The following CSMD1 variants were observed in gnomAD, a reference collection of about 807,000 sequenced individuals.
CSMD1 encodes the protein CUB and Sushi multiple domains 1.
CSMD1 carries 213 observed loss-of-function variants against 417.5 expected under a neutral mutation model. The observed-to-expected ratio is 0.51, with a 90% CI of 0.46 to 0.57. The LOEUF (loss-of-function observed/expected upper bound fraction) is 0.57. CSMD1 is among the 20% of genes least tolerant of loss of function. CSMD1 has a pLI of 0.00. For missense variants in CSMD1, 6,923 were observed against 4,529.7 expected, an observed-to-expected ratio of 1.53 and a Z score of -15.17; for synonymous variants, 2,862 against 1,736.8, an observed-to-expected ratio of 1.65 and a Z score of -16.11.
chr8:3,079,459 C>G, intron 49 of CSMD1, among the ~76,000 whole-genome samples: 1 of 152,034 alleles, frequency 6.6e-6, no homozygotes, highest in East Asian at 1.9e-4. Flanking sequence ...TATCACAAAA[C>G]AGAGGAGAAG....
intron 26 of CSMD1, among the ~76,000 whole-genome samples, chr8:3,283,450 T>TTC (rs1237880343): frequency 6.6e-6 from 1 of 151,570 alleles, no homozygotes; most frequent in South Asian, 2.1e-4. Flanking sequence ...TTTTTTTTTT[T>TTC]ATGTAACTAA....
chr8:3,889,547 GTATA>G, intron 5 of CSMD1, among the ~76,000 whole-genome samples: 1 of 84,654 alleles, frequency 1.2e-5, no homozygotes, highest in East Asian at 4.0e-4. Context: ...ACACATATGT[GTATA>G]TGTGTGTCTG....
chr8:3,447,559 A>G (rs948589553), intron 12 of CSMD1, among the ~76,000 whole-genome samples: 1 of 152,224 alleles, frequency 6.6e-6, no homozygotes, highest in Non-Finnish European at 1.5e-5. Flanking sequence ...ACCACTGTTC[A>G]CAGAGGGCGA....
intron 8 of CSMD1, among the ~76,000 whole-genome samples, chr8:3,609,720 GT>G: frequency 9.0e-6 from 1 of 110,932 alleles, no homozygotes; most frequent in Non-Finnish European, 1.9e-5. Flanking sequence ...TTAGTCATTA[GT>G]TTTGATTATA....
chr8:4,616,091 T>G (rs1244897931), intron 2 of CSMD1, among the ~76,000 whole-genome samples: 1 of 152,326 alleles, frequency 6.6e-6, no homozygotes, highest in East Asian at 1.9e-4. Flanking sequence ...GCAACTTGCC[T>G]AAGCCCAAAC....
chr8:4,570,321 C>G (rs776737558), intron 2 of CSMD1, among the ~76,000 whole-genome samples: 1 of 152,090 alleles, frequency 6.6e-6, no homozygotes, highest in Non-Finnish European at 1.5e-5. Flanking sequence ...CCGTCAATAC[C>G]TAGTTTATTA....
At chr8:4,249,527 T>A (rs1304726833) in intron 3 of CSMD1, among the ~76,000 whole-genome samples, 2 of 152,200 alleles carry the variant, frequency 1.3e-5, no homozygotes, top group African/African-American at 4.8e-5. Flanking sequence ...TCTACTGACG[T>A]GCACTGTGAC....
At chr8:4,426,219 G>A (rs1797544762) in intron 2 of CSMD1, among the ~76,000 whole-genome samples, 1 of 151,846 alleles carries the variant, frequency 6.6e-6, no homozygotes, top group Non-Finnish European at 1.5e-5. Context: ...TTTATCTATA[G>A]TTACCGGACA....
At chr8:4,605,715 T>C (rs779270582) in intron 2 of CSMD1, among the ~76,000 whole-genome samples, 3 of 152,144 alleles carry the variant, frequency 2.0e-5, no homozygotes, top group Non-Finnish European at 4.4e-5. Flanking sequence ...AAAAGAATGG[T>C]TGTCTCATAT....
chr8:3,669,169 T>C (rs1242209391), intron 7 of CSMD1, among the ~76,000 whole-genome samples: 1 of 152,298 alleles, frequency 6.6e-6, no homozygotes, highest in Non-Finnish European at 1.5e-5. Flanking sequence ...CACGTACAAA[T>C]GAGCATAAAG....
intron 26 of CSMD1, among the ~76,000 whole-genome samples, chr8:3,253,413 T>G (rs561795519): frequency 1.3e-5 from 2 of 152,226 alleles, no homozygotes; most frequent in African/African-American, 4.8e-5. Context: ...ATAATTTCTG[T>G]TCTTTTACAT....
At chr8:3,637,880 T>C (rs1797125679) in intron 7 of CSMD1, among the ~76,000 whole-genome samples, 1 of 152,142 alleles carries the variant, frequency 6.6e-6, no homozygotes, top group Non-Finnish European at 1.5e-5. Flanking sequence ...GATCTGATGG[T>C]TTTCTACAGA....
intron 1 of CSMD1, among the ~76,000 whole-genome samples, chr8:4,724,421 A>C (rs897343543): frequency 2.0e-5 from 3 of 152,002 alleles, no homozygotes; most frequent in Non-Finnish European, 4.4e-5. Flanking sequence ...ATCAGACTTA[A>C]ATATACAAAT....
intron 52 of CSMD1, among the ~76,000 whole-genome samples, chr8:3,014,114 G>C (rs1808641126): frequency 6.6e-6 from 1 of 151,976 alleles, no homozygotes; most frequent in African/African-American, 2.4e-5. Context: ...CCTATCGTGA[G>C]AATTTGAGAT....
At chr8:3,594,704 C>A (rs1183763164) in intron 8 of CSMD1, among the ~76,000 whole-genome samples, 1 of 152,160 alleles carries the variant, frequency 6.6e-6, no homozygotes, top group Non-Finnish European at 1.5e-5. Flanking sequence ...TTTATTGCTC[C>A]ATCTCAGGTT....
At chr8:3,823,108 C>T (rs967029230) in intron 5 of CSMD1, among the ~76,000 whole-genome samples, 2 of 152,136 alleles carry the variant, frequency 1.3e-5, no homozygotes, top group South Asian at 4.1e-4. Context: ...ATGGCCCTTT[C>T]ATACAAATGA....
intron 2 of CSMD1, among the ~76,000 whole-genome samples, chr8:4,633,175 T>G (rs753077360): frequency 6.8e-6 from 1 of 147,942 alleles, no homozygotes; most frequent in African/African-American, 2.5e-5. Context: ...ACAGGAGCCT[T>G]CGTAGGAACA....
At chr8:3,613,479 A>T (rs1584961721) in intron 8 of CSMD1, among the ~76,000 whole-genome samples, 1 of 152,080 alleles carries the variant, frequency 6.6e-6, no homozygotes, top group African/African-American at 2.4e-5. Context: ...ATCATAACTC[A>T]TAAAAATACC....
chr8:4,417,123 A>T (rs1796983530), intron 3 of CSMD1, among the ~76,000 whole-genome samples: 1 of 152,074 alleles, frequency 6.6e-6, no homozygotes, highest in Non-Finnish European at 1.5e-5. Context: ...GAATATATAC[A>T]CTTAATTGCT....
Sources: gnomAD v4.1 joint callset for allele counts (sites outside exome capture counted in the v4.1 genomes callset) on GRCh38, gnomAD v4.1.1 for gene constraint, MANE v1.5 for transcripts, NCBI Gene and HGNC (gene_info 2026-07-23, HGNC 2026-07-21) for gene names.